Variants in PSME4 observed in about 807,000 individuals in gnomAD.
The protein encoded by PSME4 is proteasome activator complex subunit 4.
PSME4 carries 89 observed loss-of-function variants against 253.9 expected under a neutral mutation model. That is an observed-to-expected ratio of 0.35 (90% CI 0.30 to 0.42). The LOEUF (loss-of-function observed/expected upper bound fraction) is 0.42. Among genes scored for constraint, PSME4 ranks in the 10% least tolerant of loss-of-function variants. PSME4 has a pLI of 1.00. For missense variants in PSME4, 2,014 were observed against 2,195.2 expected (o/e 0.92, Z 1.65); for synonymous variants, 851 against 759.2 (o/e 1.12, Z -1.99).
chr2:53,903,231 T>C (rs1037781497), intron 27 of PSME4, among the ~76,000 whole-genome samples: 21 of 152,066 alleles, frequency 1.4e-4, no homozygotes, highest in African/African-American at 5.1e-4. Flanking sequence ...CTTAGGTCAT[T>C]GGAACCACTT....
rs186324280 is a variant in PSME4 at position 53,887,204 on chromosome 2, C to G, written c.4729+55G>C. 72 of 1,477,694 alleles carry G rather than the reference C, an allele frequency of 4.9e-5. No individual in the cohort carries two copies. In the Middle Eastern group the frequency reaches 7.1e-4, roughly 15 times the overall value. The allele number at this position is 1,477,694 out of a possible 1,614,324, so 91.5% of individuals were successfully genotyped here. ...AAAAAAAGTGGTGCAAAAAACTCTA[C>G]AGGATAATCAAATAGATGTTTTCAA... On this transcript the variant is annotated intron_variant, in intron 40 of 46. Transcript: ENST00000404125.
intron 1 of PSME4, among the ~76,000 whole-genome samples, chr2:53,961,458 G>A (rs2104488242): frequency 6.6e-6 from 1 of 152,202 alleles, no homozygotes; most frequent in Non-Finnish European, 1.5e-5. Flanking sequence ...TTGAGCCCAG[G>A]AGTTTGCGAC....
At chr2:53,957,671 G>C (rs1670296796) in intron 1 of PSME4, among the ~76,000 whole-genome samples, 1 of 152,104 alleles carries the variant, frequency 6.6e-6, no homozygotes, top group African/African-American at 2.4e-5. Flanking sequence ...CCCTACTTTA[G>C]AGATTCCCAC....
intron 12 of PSME4, among the ~76,000 whole-genome samples, 181 bp from the exon 13 acceptor site, chr2:53,926,204 T>C (rs2949810): frequency 0.23 from 35,462 of 152,108 alleles, 4,482 homozygotes; most frequent in South Asian, 0.32. Context: ...CTTCATCTAC[T>C]ACTTTCTAGG....
rs1678497175 is a variant in PSME4 at position 53,864,930 on chromosome 2, T to C, written c.*648A>G. On this transcript the variant is annotated 3_prime_UTR_variant, in exon 47 of 47. Coordinates refer to ENST00000404125, the MANE Select transcript of PSME4 (RefSeq NM_014614.3). ...GAATACACACAACAATCAGATTTCT[T>C]CACCAAACCCCCAATTTTTTAGCAA... The C allele has an allele frequency of 6.6e-6, 1 of 152,626 alleles. No individual in the cohort carries two copies. Among genetic ancestry groups the C allele is most frequent in the South Asian group, 2.1e-4 (1 of 4,828 alleles). The allele number at this position is 152,626 out of a possible 1,614,324, so 9.5% of individuals were successfully genotyped here.
intron 7 of PSME4, 61 bp from the exon 8 acceptor site, chr2:53,934,788 G>C: frequency 8.4e-6 from 11 of 1,306,682 alleles, no homozygotes; most frequent in South Asian, 1.3e-5. Context: ...CTTTAGCTTA[G>C]TAAGTGCTGT....
intron 29 of PSME4, 53 bp downstream of exon 29, chr2:53,899,828 C>A: frequency 6.3e-7 from 1 of 1,589,468 alleles, no homozygotes; most frequent in Non-Finnish European, 8.6e-7. Flanking sequence ...AAAAAAAAGC[C>A]AAAACTTACT....
rs147249116 is a variant in PSME4 at position 53,876,205 on chromosome 2, C to T, written c.4816-450G>A. Among the ~76,000 whole-genome samples the T allele has an allele frequency of 1.8e-4, 28 of 152,254 alleles. 1 individual carries two copies. The East Asian group carries it at 2.5e-3, about 14-fold the overall frequency. On this transcript the variant is annotated intron_variant, in intron 41 of 46. Transcript: ENST00000404125. ...TTTGAAATCAGGTTTAAGGTAATGA[C>T]CACATATTGTACTTACTTGGTATGT...
At chr2:53,969,036 T>C (rs1670887016) in intron 1 of PSME4, among the ~76,000 whole-genome samples, 1 of 152,210 alleles carries the variant, frequency 6.6e-6, no homozygotes, top group African/African-American at 2.4e-5. Context: ...ATCCAAGTGA[T>C]TAAAATGGGG....
chr2:53,922,421 C>T (rs1399522731), intron 17 of PSME4, 96 bp downstream of exon 17: 8 of 1,302,164 alleles, frequency 6.1e-6, no homozygotes, highest in Non-Finnish European at 7.6e-6. Flanking sequence ...TCTGACTTTT[C>T]ATATGTTTTA....
intron 14 of PSME4, 116 bp from the exon 15 acceptor site, chr2:53,923,535 A>C (rs1022184013): frequency 7.8e-7 from 1 of 1,275,160 alleles, no homozygotes; most frequent in Non-Finnish European, 1.0e-6. Context: ...CCCATAGGCA[A>C]TTTTTAACCA....
At chr2:53,878,943 C>G (rs1301513411) in intron 41 of PSME4, among the ~76,000 whole-genome samples, 1 of 152,200 alleles carries the variant, frequency 6.6e-6, no homozygotes, top group Non-Finnish European at 1.5e-5. Context: ...TATTCATATA[C>G]TGCCTCCCCT....
intron 1 of PSME4, among the ~76,000 whole-genome samples, chr2:53,961,484 AG>A (rs1360955749): frequency 6.6e-6 from 1 of 152,174 alleles, no homozygotes; most frequent in Admixed American, 6.6e-5. Context: ...GTGGCAACAT[AG>A]TGAGACCCTG....
chr2:53,895,127 G>A, intron 33 of PSME4, 51 bp from the exon 34 acceptor site: 1 of 1,499,688 alleles, frequency 6.7e-7, no homozygotes, highest in Non-Finnish European at 9.1e-7. Flanking sequence ...AAATATTAGA[G>A]CTTCATGGAT....
chr2:53,932,584 T>C lies in PSME4; in HGVS notation c.1050+84A>G, dbSNP rs554699567. 4.3e-5 allele frequency: 49 copies of C among 1,132,484 alleles called. No homozygotes were observed. The South Asian group carries it at 5.5e-4, about 13-fold the overall frequency. The allele number at this position is 1,132,484 out of a possible 1,614,324, so 70.2% of individuals were successfully genotyped here. On this transcript the variant is annotated intron_variant, in intron 9 of 46. Coordinates refer to ENST00000404125, the MANE Select transcript of PSME4 (RefSeq NM_014614.3). ...AAGCTATGAAGGACAGAAAATGTAT[T>C]ACAGGTCACACAATAGGCAATAGTC...
chr2:53,951,505 T>C (rs1336555615), intron 1 of PSME4, among the ~76,000 whole-genome samples: 2 of 152,246 alleles, frequency 1.3e-5, no homozygotes, highest in African/African-American at 2.4e-5. Context: ...ATTCAGCTCT[T>C]TTCTGTCATT....
chr2:53,867,897 C>T (rs1038580484), intron 44 of PSME4, among the ~76,000 whole-genome samples: 7 of 151,952 alleles, frequency 4.6e-5, no homozygotes, highest in Non-Finnish European at 8.8e-5. Flanking sequence ...AGAATTGCAG[C>T]ATGTCTGTAT....
At chr2:53,952,195 G>T (rs547962745) in intron 1 of PSME4, among the ~76,000 whole-genome samples, 1 of 152,212 alleles carries the variant, frequency 6.6e-6, no homozygotes, top group Admixed American at 6.5e-5. Context: ...CAGCACTTTG[G>T]GAGGCCGAGG....
chr2:53,965,091 A>C (rs147892201), intron 1 of PSME4, among the ~76,000 whole-genome samples: 1 of 152,064 alleles, frequency 6.6e-6, no homozygotes, highest in Non-Finnish European at 1.5e-5. Flanking sequence ...GTTTAAACAC[A>C]CACACACACA....
Sources: allele counts gnomAD v4.1 joint callset (sites outside exome capture counted in the v4.1 genomes callset), GRCh38; gene constraint gnomAD v4.1.1; transcripts MANE v1.5; gene names NCBI Gene and HGNC (gene_info 2026-07-23, HGNC 2026-07-21).